The following LRRC49 variants were observed in gnomAD, a reference collection of about 807,000 sequenced individuals.
LRRC49 encodes leucine rich repeat containing 49.
Under a neutral mutation model 83.3 loss-of-function variants are expected in LRRC49, and 50 were observed. The ratio of observed to expected loss-of-function variants is 0.60; its 90% confidence interval spans 0.48 to 0.76. LRRC49 has a LOEUF of 0.76. LRRC49 is among the 30% of genes least tolerant of loss of function. The pLI is 0.00. For missense variants in LRRC49, 704 were observed against 809.1 expected, an observed-to-expected ratio of 0.87 and a Z score of 1.58; for synonymous variants, 286 against 283.3, an observed-to-expected ratio of 1.01 and a Z score of -0.10.
chr15:71,035,550 T>C (rs1030657052), intron 14 of LRRC49, among the ~76,000 whole-genome samples: 2 of 152,086 alleles, frequency 1.3e-5, no homozygotes, highest in African/African-American at 4.8e-5. Context: ...CCTATGTCCA[T>C]GTGTTCTCAT....
rs917513118 is a variant in LRRC49, at chr15:71,045,035, C to T, written c.1858-4374C>T. On this transcript the variant is annotated intron_variant, in intron 15 of 15. Transcript: ENST00000260382. ...CCTCTCGAGTAGCTGGGACTACAGG[C>T]GCCCACCACCACACCTGGCTAATTT... Among the ~76,000 whole-genome samples, 5 of 151,468 alleles carry T rather than the reference C, an allele frequency of 3.3e-5. No homozygotes were observed. The East Asian group carries it at 5.9e-4, about 18-fold the overall frequency.
chr15:70,998,682 G>A (rs2038156290), intron 11 of LRRC49, among the ~76,000 whole-genome samples: 1 of 151,568 alleles, frequency 6.6e-6, no homozygotes, highest in African/African-American at 2.4e-5. Flanking sequence ...ATCCTAGTCA[G>A]AGTTCATTGA....
chr15:70,868,096 C>T (rs2032951492), intron 1 of LRRC49, among the ~76,000 whole-genome samples: 1 of 152,102 alleles, frequency 6.6e-6, no homozygotes, highest in Non-Finnish European at 1.5e-5. Flanking sequence ...GGTGGCCAGA[C>T]TATTCCATTT....
At chr15:70,959,440 G>A (rs1212644819) in intron 8 of LRRC49, among the ~76,000 whole-genome samples, 2 of 147,820 alleles carry the variant, frequency 1.4e-5, no homozygotes, top group Non-Finnish European at 3.0e-5. Flanking sequence ...GCAGTGAGCC[G>A]AGATTGTGCC....
chr15:70,916,778 C>T (rs898756555), intron 6 of LRRC49, among the ~76,000 whole-genome samples: 2 of 152,124 alleles, frequency 1.3e-5, no homozygotes, highest in African/African-American at 4.8e-5. Flanking sequence ...TGCAGCCACT[C>T]AAGTCACGGC....
chr15:70,873,786 T>A (rs1413261576), intron 2 of LRRC49, among the ~76,000 whole-genome samples: 1 of 152,202 alleles, frequency 6.6e-6, no homozygotes, highest in Non-Finnish European at 1.5e-5. Flanking sequence ...CCTCAGTTTA[T>A]ATTACCTTTA....
chr15:70,903,109 G>T (rs1173654461), intron 4 of LRRC49, among the ~76,000 whole-genome samples: 2 of 151,996 alleles, frequency 1.3e-5, no homozygotes, highest in African/African-American at 4.8e-5. Flanking sequence ...AGAAGTTGGG[G>T]GGTATCAATA....
chr15:70,877,587 C>G (rs72757980), intron 2 of LRRC49, among the ~76,000 whole-genome samples: 46,028 of 152,096 alleles, frequency 0.3, 8,218 homozygotes, highest in Non-Finnish European at 0.4. Context: ...CTTATCCACT[C>G]ACCTGTTGAT....
At chr15:71,046,929 C>T (rs192098981) in intron 15 of LRRC49, among the ~76,000 whole-genome samples, 4 of 152,260 alleles carry the variant, frequency 2.6e-5, no homozygotes, top group African/African-American at 7.2e-5. Context: ...ATCTCAGCAC[C>T]GTTTATAGAA....
chr15:70,922,773 T>C (rs566747164), intron 7 of LRRC49, among the ~76,000 whole-genome samples: 1 of 152,162 alleles, frequency 6.6e-6, no homozygotes, highest in South Asian at 2.1e-4. Flanking sequence ...AAACAGCTCA[T>C]GTACCCCATA....
At chr15:70,944,884 C>G (rs1000229330) in intron 8 of LRRC49, among the ~76,000 whole-genome samples, 13 of 152,170 alleles carry the variant, frequency 8.5e-5, no homozygotes, top group African/African-American at 3.1e-4. Context: ...GATATATAAT[C>G]TGGGTATTCA....
intron 15 of LRRC49, among the ~76,000 whole-genome samples, chr15:71,040,819 CAAAAAAAAA>C (rs57206118): frequency 3.0e-5 from 3 of 98,858 alleles, no homozygotes; most frequent in African/African-American, 4.2e-5. Flanking sequence ...GACTCCGTCT[CAAAAAAAAA>C]AAAAAAAAAA....
chr15:70,895,945 A>G lies in LRRC49; in HGVS notation c.193+9A>G. The G allele has an allele frequency of 6.6e-7, 1 of 1,509,916 alleles. No homozygotes were observed. The highest frequency in any genetic ancestry group is 9.2e-7 in the Non-Finnish European group (1 of 1,090,200). 93.5% of individuals were successfully genotyped at this position (1,509,916 alleles called of 1,614,324 possible). On this transcript the variant is annotated intron_variant, in intron 3 of 15. Coordinates refer to ENST00000260382, the MANE Select transcript of LRRC49 (RefSeq NM_017691.5). ...CTACTCAAGTAGGCAAGGTATTGTC[A>G]GTGAATAGAGATCAGATGTGGTTCA...
intron 14 of LRRC49, among the ~76,000 whole-genome samples, chr15:71,035,809 C>A (rs188813824): frequency 6.6e-6 from 1 of 152,244 alleles, no homozygotes; most frequent in East Asian, 1.9e-4. Context: ...AATAAACATA[C>A]ATGTATATGT....
At chr15:70,995,372 G>A (rs2038040020) in intron 11 of LRRC49, among the ~76,000 whole-genome samples, 1 of 152,172 alleles carries the variant, frequency 6.6e-6, no homozygotes, top group Admixed American at 6.5e-5. Context: ...TATTTTAGAG[G>A]TAGAACACAT....
At chr15:71,030,820 C>T (rs560294518) in intron 14 of LRRC49, among the ~76,000 whole-genome samples, 1 of 151,834 alleles carries the variant, frequency 6.6e-6, no homozygotes, top group Non-Finnish European at 1.5e-5. Flanking sequence ...GCTATTGATA[C>T]TTATATATGC....
intron 1 of LRRC49, among the ~76,000 whole-genome samples, chr15:70,866,029 C>T (rs4777320): frequency 0.56 from 84,599 of 151,964 alleles, 24,164 homozygotes; most frequent in Admixed American, 0.7. Flanking sequence ...TCCCAATAGA[C>T]AGTAAACTCC....
intron 9 of LRRC49, among the ~76,000 whole-genome samples, chr15:70,968,741 T>C (rs1222028930): frequency 2.0e-5 from 3 of 152,262 alleles, no homozygotes; most frequent in Non-Finnish European, 2.9e-5. Flanking sequence ...CCAGTGATGA[T>C]GAGCTTTTTT....
chr15:71,033,943 A>G (rs1467592073), intron 14 of LRRC49, among the ~76,000 whole-genome samples: 4 of 152,226 alleles, frequency 2.6e-5, no homozygotes, highest in Non-Finnish European at 5.9e-5. Flanking sequence ...CTAGAAGAAA[A>G]TCTAGGCAAT....
Sources: allele counts gnomAD v4.1 joint callset (sites outside exome capture counted in the v4.1 genomes callset), GRCh38; gene constraint gnomAD v4.1.1; transcripts MANE v1.5; gene names NCBI Gene and HGNC (gene_info 2026-07-23, HGNC 2026-07-21).